PTPN3: variants seen among roughly 807,000 people sequenced by gnomAD.
The protein encoded by PTPN3 is tyrosine-protein phosphatase non-receptor type 3.
In PTPN3, 96 loss-of-function variants were observed where a neutral mutation model predicts 132.7. The observed-to-expected ratio is 0.72, with a 90% CI of 0.61 to 0.86. PTPN3 has a LOEUF of 0.86. Ranked by LOEUF, PTPN3 falls within the 40% of genes least tolerant of loss-of-function variation. PTPN3 has a pLI of 0.00. For missense variants in PTPN3, 1,125 were observed against 1,159.6 expected (o/e 0.97, Z 0.43); for synonymous variants, 398 against 429.0 (o/e 0.93, Z 0.89).
the PTPN3 span, among the ~76,000 whole-genome samples, chr9:109,514,275 G>A: frequency 6.6e-6 from 1 of 152,060 alleles, no homozygotes; most frequent in Non-Finnish European, 1.5e-5. Context: ...TGTTATTAAG[G>A]CATGGATTTG....
rs781054586 is a variant in PTPN3, at chr9:109,438,168, G to A, written c.533C>T (p.Pro178Leu). Residue 178 changes from proline (P) to leucine (L), a missense_variant, in exon 8 of 26, where the codon CCC becomes CTC. Physicochemically the swap from Pro to Leu is moderately conservative, Grantham distance 98. Coordinates refer to ENST00000374541, the MANE Select transcript of PTPN3 (RefSeq NM_002829.4). The part of the protein sequence containing the change: ...PGYLSDSHFI[P>L]DQNEDFLTKV... ...TGTTAAAAAGTCCTCATTTTGATCG[G>A]GTATAAAGTGACTATCGGAAAGATA... The A allele has an allele frequency of 1.2e-6, 2 of 1,613,666 alleles. No homozygotes were observed. Among genetic ancestry groups the A allele is most frequent in the African/African-American group, 2.7e-5 (2 of 74,874 alleles).
rs1161110219 is a variant in PTPN3, at chr9:109,427,145, T to C, written c.829-23A>G. The C allele has an allele frequency of 2.5e-6, 4 of 1,611,752 alleles. No homozygotes were observed. The African/African-American group carries it at 4.0e-5, about 16-fold the overall frequency. ...AGCCTGGGAGGAAAAACAGTCAAGA[T>C]TTCACCCACACAGACATAGGAGCAG... On this transcript the variant is annotated intron_variant, in intron 11 of 25. Coordinates refer to ENST00000374541, the MANE Select transcript of PTPN3 (RefSeq NM_002829.4).
At chr9:109,442,283 C>T (rs927997050) in intron 7 of PTPN3, among the ~76,000 whole-genome samples, 6 of 152,230 alleles carry the variant, frequency 3.9e-5, no homozygotes, top group South Asian at 2.1e-4. Context: ...CCTGGGCTCA[C>T]GCAATCCGCC....
In PTPN3 at chr9:109,463,336, G is replaced by C. The variant is rs1358360962; in HGVS notation, c.99C>G (p.Ile33Met). Residue 33 changes from isoleucine (I) to methionine (M), a missense_variant, in exon 2 of 26, where the codon ATC becomes ATG. Transcript: ENST00000374541. ...EKTRSEVICS[I>M]HFLDGVVQTF... ...TCTGTACCACGCCATCTAAAAAGTG[G>C]ATGCTGCAAATGACTTCTGATCGAG... The C allele has an allele frequency of 1.2e-6, 2 of 1,613,674 alleles. No individual in the cohort carries two copies. Among genetic ancestry groups the C allele is most frequent in the Non-Finnish European group, 1.7e-6 (2 of 1,179,892 alleles).
At chr9:109,416,977 C>T (rs1842552846) in intron 14 of PTPN3, among the ~76,000 whole-genome samples, 1 of 152,208 alleles carries the variant, frequency 6.6e-6, no homozygotes, top group Non-Finnish European at 1.5e-5. Context: ...AGTTTCTGTT[C>T]TGCATGTCTC....
intron 16 of PTPN3, among the ~76,000 whole-genome samples, 193 bp from the exon 17 acceptor site, chr9:109,408,570 C>A (rs1037640287): frequency 2.0e-5 from 3 of 151,774 alleles, no homozygotes; most frequent in Admixed American, 1.3e-4. Context: ...GAACAAATTC[C>A]TGACCCCTCT....
chr9:109,505,911 G>C, the PTPN3 span, among the ~76,000 whole-genome samples: 1 of 152,070 alleles, frequency 6.6e-6, no homozygotes, highest in East Asian at 1.9e-4. Flanking sequence ...CGCTATGCCC[G>C]GCTAATTTTT....
intron 1 of PTPN3, among the ~76,000 whole-genome samples, chr9:109,494,179 A>G (rs1354787037): frequency 6.6e-6 from 1 of 152,248 alleles, no homozygotes; most frequent in Non-Finnish European, 1.5e-5. Flanking sequence ...GAACACCAAG[A>G]GGCTGGATTT....
At chr9:109,436,836 A>G (rs1844086914) in intron 9 of PTPN3, 47 bp downstream of exon 9, 1 of 1,572,398 alleles carries the variant, frequency 6.4e-7, no homozygotes, top group East Asian at 2.3e-5. Flanking sequence ...CTCAGAGATT[A>G]AAATAAAAAC....
chr9:109,510,565 AAAAAAAAAAAAATATAT>A, the PTPN3 span, among the ~76,000 whole-genome samples: 116 of 51,540 alleles, frequency 2.3e-3, 4 homozygotes, highest in Middle Eastern at 0.012. Flanking sequence ...TCTTAAAAAA[AAAAAAAAAAAAATATAT>A]ATATATATAT....
intron 19 of PTPN3, among the ~76,000 whole-genome samples, chr9:109,402,291 T>TAAAAGGAAA (rs772960445): frequency 6.6e-6 from 1 of 152,000 alleles, no homozygotes; most frequent in Non-Finnish European, 1.5e-5. Flanking sequence ...ATTTCCTTTT[T>TAAAAGGAAA]TTTTTATTTT....
chr9:109,473,023 T>C (rs1241532753), intron 1 of PTPN3, among the ~76,000 whole-genome samples: 1 of 152,242 alleles, frequency 6.6e-6, no homozygotes, highest in African/African-American at 2.4e-5. Flanking sequence ...ACAAAACTTT[T>C]TAAAAATTTG....
At chr9:109,537,035 C>T in the PTPN3 span, among the ~76,000 whole-genome samples, 2 of 152,116 alleles carry the variant, frequency 1.3e-5, no homozygotes, top group South Asian at 4.2e-4. Context: ...GGACCTGGCT[C>T]CCTCTCCGTA....
Position 109,436,931 on chromosome 9 carries a change from G to A in PTPN3, c.627C>T (p.Asn209=). ...CATAGAAGTCGAGGGTCCGCGCTAT[G>A]TTGATATAGCAGGATTCTGCTTCTG... is the stretch of plus-strand genomic sequence containing the variant. ...KQSEAESCYI[N]IARTLDFYGV... The change falls in exon 9 of 26, where the codon AAC becomes AAT. Residue 209 remains asparagine (N), a synonymous_variant. Coordinates refer to ENST00000374541, the MANE Select transcript of PTPN3 (RefSeq NM_002829.4). 6.2e-7 allele frequency: 1 copy of A among 1,614,118 alleles called. No individual in the cohort carries two copies. The highest frequency in any genetic ancestry group is 8.5e-7 in the Non-Finnish European group (1 of 1,179,986).
chr9:109,465,299 G>C (rs192018783), intron 1 of PTPN3, among the ~76,000 whole-genome samples: 1 of 152,152 alleles, frequency 6.6e-6, no homozygotes, highest in Non-Finnish European at 1.5e-5. Context: ...TGAAGCAGCC[G>C]GGCACGGTGG....
intron 12 of PTPN3, among the ~76,000 whole-genome samples, 195 bp downstream of exon 12, chr9:109,426,755 A>G (rs1321930518): frequency 6.6e-6 from 1 of 152,130 alleles, no homozygotes; most frequent in Admixed American, 6.5e-5. Context: ...GAGGGGAGAG[A>G]AATGCTGGGA....
At chr9:109,481,973 A>G (rs1055104645) in intron 1 of PTPN3, among the ~76,000 whole-genome samples, 1 of 152,266 alleles carries the variant, frequency 6.6e-6, no homozygotes, top group African/African-American at 2.4e-5. Flanking sequence ...CCTTTCGGTC[A>G]GGTCCAAGAT....
chr9:109,499,765 G>A (rs1301333526), upstream of PTPN3, among the ~76,000 whole-genome samples: 1 of 152,232 alleles, frequency 6.6e-6, no homozygotes, highest in African/African-American at 2.4e-5. Context: ...TCCCGGGATA[G>A]CGCCGCTGCA....
chr9:109,391,250 T>C (rs1178900281), intron 20 of PTPN3, 51 bp from the exon 21 acceptor site: 10 of 1,548,548 alleles, frequency 6.5e-6, no homozygotes, highest in Non-Finnish European at 8.9e-6. Context: ...ATTTTTATCA[T>C]ACCAAGTAAA....
Sources: gnomAD v4.1 joint callset for allele counts (sites outside exome capture counted in the v4.1 genomes callset) on GRCh38, gnomAD v4.1.1 for gene constraint, MANE v1.5 for transcripts, NCBI Gene and HGNC (gene_info 2026-07-23, HGNC 2026-07-21) for gene names.